FAN1: variants seen among roughly 807,000 people sequenced by gnomAD.
The protein encoded by FAN1 is fanconi-associated nuclease 1.
Under a neutral mutation model 104.9 loss-of-function variants are expected in FAN1, and 91 were observed. That is an observed-to-expected ratio of 0.87 (90% confidence interval 0.73 to 1.03). The LOEUF is 1.03. Ranked by LOEUF, FAN1 falls within the 50% of genes least tolerant of loss-of-function variation. The probability of loss-of-function intolerance (pLI) is 0.00; values close to 1 mark genes in which losing one functional copy is unlikely to be tolerated. For missense variants in FAN1, 1,263 were observed against 1,239.9 expected (o/e 1.02, Z -0.28); for synonymous variants, 478 against 457.6 (o/e 1.04, Z -0.57).
chr15:30,905,783 T>G lies in FAN1; in HGVS notation c.1120T>G (p.Tyr374Asp), dbSNP rs775994893. 3 of 1,614,220 alleles carry G rather than the reference T, an allele frequency of 1.9e-6. No homozygotes were observed. In the South Asian group the frequency reaches 3.3e-5, roughly 18 times the overall value. Reference protein sequence around the residue: ...NGPGQTTGHPYYLRSFLVVLK... With the variant: ...NGPGQTTGHPDYLRSFLVVLK... ...TCCTGGTCAAACAACCGGTCATCCT[T>G]ACTACCTTCGGAGTTTCCTTGTGGT... The change falls in exon 2 of 15, where the codon TAC becomes GAC. Residue 374 changes from tyrosine (Y) to aspartate (D), a missense_variant. Transcript: ENST00000362065.
chr15:30,904,473 A>T (rs1361194757), intron 1 of FAN1, 39 bp from the exon 2 acceptor site: 3 of 713,734 alleles, frequency 4.2e-6, no homozygotes, highest in Non-Finnish European at 7.4e-6. Context: ...TGCTGAATTC[A>T]TAAAAATGTT....
At chr15:30,923,178 G>A (rs932324382) in intron 8 of FAN1, among the ~76,000 whole-genome samples, 11 of 152,284 alleles carry the variant, frequency 7.2e-5, no homozygotes, top group African/African-American at 1.2e-4. Flanking sequence ...TTTTATTGCC[G>A]TAAACTGAAA....
rs373026472 is a variant in FAN1 at position 30,941,962 on chromosome 15, T to C, written c.*400T>C. The C allele has an allele frequency of 4.6e-4, 738 of 1,613,936 alleles. No individual in the cohort carries two copies. The highest frequency in any genetic ancestry group is 6.0e-4 in the Non-Finnish European group (709 of 1,179,914). On this transcript the variant is annotated 3_prime_UTR_variant, in exon 15 of 15. Transcript: ENST00000362065. ...GGCTGTCGGTTTGCTGAGCTGGATC[T>C]GGCTTTGGTTTTAATATCAATGAAT...
In FAN1 at chr15:30,926,868, G is replaced by A. The variant is rs796869108; in HGVS notation, c.2488+929G>A. The A allele has an allele frequency of 1.0e-5, 10 of 985,432 alleles. No homozygotes were observed. The African/African-American group carries it at 1.7e-4, about 17-fold the overall frequency. 61.0% of individuals were successfully genotyped at this position (985,432 alleles called of 1,614,324 possible). A position where few individuals can be genotyped will look rare whatever the true frequency, so the allele number is the denominator to read the frequency against. ...TTTCCCTGATTAAAATCGATGCCGTGAAACTGGGCTGAACTCTGGCTGCCA... is the reference window on the plus strand; with the variant it reads ...TTTCCCTGATTAAAATCGATGCCGTAAAACTGGGCTGAACTCTGGCTGCCA... On this transcript the variant is annotated intron_variant, in intron 10 of 14. Transcript: ENST00000362065.
intron 13 of FAN1, 117 bp downstream of exon 13, chr15:30,930,788 T>A: frequency 2.3e-6 from 3 of 1,319,656 alleles, no homozygotes; most frequent in Non-Finnish European, 3.2e-6. Flanking sequence ...TGAGAGCTTT[T>A]GGGCCGAGGG....
intron 13 of FAN1, among the ~76,000 whole-genome samples, chr15:30,933,975 T>C (rs2062785982): frequency 6.6e-6 from 1 of 152,156 alleles, no homozygotes; most frequent in South Asian, 2.1e-4. Flanking sequence ...TTGCCCAGGC[T>C]GGTCTCAAAC....
At chr15:30,931,590 G>A (rs1029887968) in intron 13 of FAN1, among the ~76,000 whole-genome samples, 1 of 152,132 alleles carries the variant, frequency 6.6e-6, no homozygotes, top group African/African-American at 2.4e-5. Flanking sequence ...CATTTGAGAC[G>A]CCATTTGTAT....
At position 30,913,986 on chromosome 15, in the gene FAN1, G is replaced by C. The variant is rs755782126; in HGVS notation, c.1706G>C (p.Gly569Ala). 1.9e-5 allele frequency: 30 copies of C among 1,613,994 alleles called. No homozygotes were observed. Among genetic ancestry groups the C allele is most frequent in the Non-Finnish European group, 2.5e-5 (30 of 1,180,006 alleles). ...GAAGACGCCGCTTGTGGAGGTCAGG[G>C]ACAGCTTTCAACAGTCCTGTTGGTC... is the stretch of plus-strand genomic sequence containing the variant. ...EDEDAACGGQ[G>A]QLSTVLLVNL... The change falls in exon 5 of 15, where the codon GGA becomes GCA. Residue 569 changes from glycine to alanine, a missense_variant. By Grantham distance (60) the Gly-to-Ala change is moderately conservative. Transcript: ENST00000362065.
chr15:30,931,852 G>A (rs1254127928), intron 13 of FAN1, among the ~76,000 whole-genome samples: 1 of 151,828 alleles, frequency 6.6e-6, no homozygotes, highest in East Asian at 1.9e-4. Context: ...ATAATGACTT[G>A]TTTTTCAAAG....
At position 30,942,115 on chromosome 15, in the gene FAN1, T is replaced by TAGAA; in HGVS notation, c.*557_*560dup. 6.4e-7 allele frequency: 1 copy of TAGAA among 1,564,630 alleles called. No individual in the cohort carries two copies. The highest frequency in any genetic ancestry group is 1.4e-5 in the African/African-American group (1 of 73,152). ...TATTATGTTCCGGGGATTCCCTTTTTAGAAAGATTGAAGGATGCAATGGCA... is the reference window on the plus strand; with the variant it reads ...TATTATGTTCCGGGGATTCCCTTTTTAGAAAGAAAGATTGAAGGATGCAATGGCA... On this transcript the variant is annotated 3_prime_UTR_variant, in exon 15 of 15. Transcript: ENST00000362065.
At chr15:30,925,985 G>A (rs755584579) in intron 10 of FAN1, 46 bp downstream of exon 10, 2 of 1,600,870 alleles carry the variant, frequency 1.2e-6, no homozygotes, top group Middle Eastern at 1.7e-4. Context: ...CCGGGTGGAC[G>A]AGCAGCAGCA....
chr15:30,927,055 T>G (rs1365307322), intron 10 of FAN1: 3 of 979,922 alleles, frequency 3.1e-6, no homozygotes, highest in Non-Finnish European at 3.6e-6. Flanking sequence ...CTTACACTTG[T>G]AATCCCAGCA....
At position 30,941,758 on chromosome 15, in the gene FAN1, G is replaced by C; in HGVS notation, c.*196G>C. 1 of 1,614,002 alleles carries C rather than the reference G, an allele frequency of 6.2e-7. No homozygotes were observed. The highest frequency in any genetic ancestry group is 8.5e-7 in the Non-Finnish European group (1 of 1,179,888). On this transcript the variant is annotated 3_prime_UTR_variant, in exon 15 of 15. Coordinates refer to ENST00000362065, the MANE Select transcript of FAN1 (RefSeq NM_014967.5). The stretch of plus-strand genomic sequence containing the variant: ...CGTCGACTTCATCAGCCAGGAGGGA[G>C]AGCTTGTGAAAGGCTGTGATGGAGC...
chr15:30,934,707 T>C (rs2062805612), intron 13 of FAN1, among the ~76,000 whole-genome samples: 1 of 152,216 alleles, frequency 6.6e-6, no homozygotes, highest in African/African-American at 2.4e-5. Flanking sequence ...TTGCATTTGA[T>C]AGCTTTGCTG....
At chr15:30,926,867 T>C in intron 10 of FAN1, 1 of 985,360 alleles carries the variant, frequency 1.0e-6, no homozygotes, top group Non-Finnish European at 1.2e-6. Flanking sequence ...ATCGATGCCG[T>C]GAAACTGGGC....
intron 4 of FAN1, chr15:30,911,654 C>T (rs1238346484): frequency 2.2e-6 from 2 of 912,992 alleles, no homozygotes; most frequent in Non-Finnish European, 2.6e-6. Context: ...GTATAGAATC[C>T]TCATCTGTGT....
At chr15:30,938,904 C>T in intron 14 of FAN1, 1 of 984,840 alleles carries the variant, frequency 1.0e-6, no homozygotes, top group Non-Finnish European at 1.2e-6. Context: ...CTATCAATCA[C>T]TGTGTTCCAG....
At chr15:30,938,837 AG>A (rs1273364935) in intron 14 of FAN1, 1 of 897,598 alleles carries the variant, frequency 1.1e-6, no homozygotes, top group Non-Finnish European at 1.3e-6. Context: ...GAGGGCAAGC[AG>A]AAACATCCCA....
chr15:30,905,755 T>C lies in FAN1; in HGVS notation c.1092T>C (p.Asn364=). ...SIPLEQGSSC[N]GPGQTTGHPY... is the part of the protein sequence containing the mutation. ...CTTTGGAGCAGGGGTCAAGCTGCAA[T>C]GGTCCTGGTCAAACAACCGGTCATC... The change falls in exon 2 of 15, where the codon AAT becomes AAC. Residue 364 remains asparagine, a synonymous_variant. Coordinates refer to ENST00000362065, the MANE Select transcript of FAN1 (RefSeq NM_014967.5). The C allele has an allele frequency of 6.2e-7, 1 of 1,614,210 alleles. No homozygotes were observed.
Sources: allele counts gnomAD v4.1 joint callset (sites outside exome capture counted in the v4.1 genomes callset), GRCh38; gene constraint gnomAD v4.1.1; transcripts MANE v1.5; gene names NCBI Gene and HGNC (gene_info 2026-07-23, HGNC 2026-07-21).